NGRN: variants seen among roughly 807,000 people sequenced by gnomAD.
The protein encoded by NGRN is neugrin, neurite outgrowth associated.
NGRN carries 12 observed loss-of-function variants against 13.1 expected under a neutral mutation model. The observed-to-expected ratio is 0.92, with a 90% CI of 0.59 to 1.49. NGRN has a LOEUF of 1.49. Among genes scored for constraint, NGRN ranks in the 40% most tolerant of loss-of-function variants. The pLI is 0.00. For synonymous variants in NGRN, 149 were observed against 145.8 expected, an observed-to-expected ratio of 1.02 and a Z score of -0.16; for missense variants, 397 against 357.0, an observed-to-expected ratio of 1.11 and a Z score of -0.90.
rs961517572 is a variant in NGRN at position 90,269,484 on chromosome 15, G to C, written c.276-1704G>C. 5.3e-5 allele frequency among the ~76,000 whole-genome samples: 8 copies of C among 151,250 alleles called. No individual in the cohort carries two copies. The East Asian group carries it at 1.5e-3, about 29-fold the overall frequency. Reference sequence around the variant, plus strand: ...ATTCCCTTCTGATCTTTTTTTCTTTGTTTCTAGGGCTGCTTTTCTCAGTTT... The same window carrying C: ...ATTCCCTTCTGATCTTTTTTTCTTTCTTTCTAGGGCTGCTTTTCTCAGTTT... On this transcript the variant is annotated intron_variant, in intron 2 of 2. Transcript: ENST00000379095.
At chr15:90,265,962 CTGCCGCTGCT>C (rs1963410257) in intron 1 of NGRN, 86 bp downstream of exon 1, 1 of 1,427,840 alleles carries the variant, frequency 7.0e-7, no homozygotes, top group Non-Finnish European at 9.1e-7. Context: ...GCCGGGTGTC[CTGCCGCTGCT>C]TGCGCAGCGG....
At chr15:90,268,791 A>AAT (rs772717101) in intron 2 of NGRN, among the ~76,000 whole-genome samples, 15 of 150,620 alleles carry the variant, frequency 1.0e-4, no homozygotes, top group African/African-American at 1.9e-4. Context: ...TTTAAATTAA[A>AAT]ATATATATAT....
chr15:90,269,661 C>T (rs1963477892), intron 2 of NGRN, among the ~76,000 whole-genome samples: 1 of 152,150 alleles, frequency 6.6e-6, no homozygotes, highest in Admixed American at 6.6e-5. Context: ...CCAAATCTGT[C>T]ATCTCCAGTT....
chr15:90,267,857 T>C (rs767782018), intron 2 of NGRN, among the ~76,000 whole-genome samples: 4 of 152,328 alleles, frequency 2.6e-5, no homozygotes, highest in Non-Finnish European at 5.9e-5. Flanking sequence ...TAGCCCTACA[T>C]AGATTATGTA....
At position 90,271,255 on chromosome 15, in the gene NGRN, A is replaced by G. The variant is rs1963497724; in HGVS notation, c.343A>G (p.Thr115Ala). Residue 115 changes from threonine (T) to alanine (A), a missense_variant, in exon 3 of 3, where the codon ACT becomes GCT. Thr to Ala is a moderately conservative substitution (Grantham distance 58). Coordinates refer to ENST00000379095, the MANE Select transcript of NGRN (RefSeq NM_001033088.3). Reference protein sequence around the residue: ...PRLAEGFDVSTDVIRRVLKSK... With the variant: ...PRLAEGFDVSADVIRRVLKSK... ...GTTGGCTGAAGGCTTTGATGTCAGC[A>G]CTGATGTGATCCGAAGAGTTTTAAA... is the stretch of plus-strand genomic sequence containing the variant. 2.5e-6 allele frequency: 4 copies of G among 1,614,072 alleles called. No individual in the cohort carries two copies. The highest frequency in any genetic ancestry group is 3.4e-6 in the Non-Finnish European group (4 of 1,180,030).
rs1963499038 is a variant in NGRN at position 90,271,321 on chromosome 15, G to A, written c.409G>A (p.Asp137Asn). The A allele has an allele frequency of 6.2e-7, 1 of 1,614,060 alleles. No homozygotes were observed. The highest frequency in any genetic ancestry group is 1.3e-5 in the African/African-American group (1 of 75,014). The change falls in exon 3 of 3, where the codon GAT (aspartate) becomes AAT (asparagine). Residue 137 changes from aspartate (D) to asparagine (N), a missense_variant. Physicochemically the swap from Asp to Asn is conservative, Grantham distance 23. Transcript: ENST00000379095. ...LPTLEQKLKQDQKVLKKAGLA... is the reference protein window; with the variant it reads ...LPTLEQKLKQNQKVLKKAGLA... ...CACATTGGAGCAGAAGCTGAAGCAG[G>A]ATCAAAAAGTCCTTAAGAAAGCTGG... is the stretch of plus-strand genomic sequence containing the variant.
chr15:90,268,992 CTTTTTTTTTTT>C (rs71461858), intron 2 of NGRN, among the ~76,000 whole-genome samples: 11 of 45,688 alleles, frequency 2.4e-4, no homozygotes, highest in African/African-American at 8.6e-4. Flanking sequence ...CTGATTCTCT[CTTTTTTTTTTT>C]TTTTTTTTTT....
chr15:90,266,065 CGT>C, intron 1 of NGRN, 189 bp downstream of exon 1: 1 of 1,422,378 alleles, frequency 7.0e-7, no homozygotes, highest in Non-Finnish European at 9.1e-7. Context: ...TCATTAGTGA[CGT>C]ATTTCATCAT....
intron 2 of NGRN, among the ~76,000 whole-genome samples, chr15:90,268,606 C>T (rs1240591188): frequency 1.3e-5 from 2 of 152,058 alleles, no homozygotes. Flanking sequence ...CTCTCTCATT[C>T]TTTTGTTCCC....
At chr15:90,265,974 G>C (rs1410354096) in intron 1 of NGRN, 98 bp downstream of exon 1, 4 of 1,421,960 alleles carry the variant, frequency 2.8e-6, no homozygotes, top group Non-Finnish European at 3.7e-6. Context: ...GCCGCTGCTT[G>C]CGCAGCGGCC....
At position 90,266,290 on chromosome 15, in the gene NGRN, C is replaced by T; in HGVS notation, c.167C>T (p.Thr56Ile). Reference protein sequence around the residue: ...EERELQEVESTLKRQKQAIRF... With the variant: ...EERELQEVESILKRQKQAIRF... ...TGCCATTGGTTCTCTTCCCCCAGCA[C>T]CCTGAAACGACAGAAACAAGCAATC... Residue 56 changes from threonine to isoleucine, a missense_variant and splice_region_variant, in exon 2 of 3, where the codon ACC becomes ATC. Coordinates refer to ENST00000379095, the MANE Select transcript of NGRN (RefSeq NM_001033088.3). 1.2e-6 allele frequency: 2 copies of T among 1,613,026 alleles called. No individual in the cohort carries two copies. Among genetic ancestry groups the T allele is most frequent in the Non-Finnish European group, 1.7e-6 (2 of 1,179,574 alleles).
intron 2 of NGRN, among the ~76,000 whole-genome samples, chr15:90,268,525 C>T (rs1288339700): frequency 6.6e-6 from 1 of 152,088 alleles, no homozygotes; most frequent in Admixed American, 6.6e-5. Flanking sequence ...GGGACCAATT[C>T]TCTGTATGCT....
At position 90,272,048 on chromosome 15, in the gene NGRN, T is replaced by C. The variant is rs977845869; in HGVS notation, c.*260T>C. 2 of 446,516 alleles carry C rather than the reference T, an allele frequency of 4.5e-6. No homozygotes were observed. The highest frequency in any genetic ancestry group is 1.9e-5 in the African/African-American group (1 of 51,892). 27.7% of individuals were successfully genotyped at this position (446,516 alleles called of 1,614,324 possible). A position where few individuals can be genotyped will look rare whatever the true frequency, so the allele number is the denominator to read the frequency against. On this transcript the variant is annotated 3_prime_UTR_variant, in exon 3 of 3. Coordinates refer to ENST00000379095, the MANE Select transcript of NGRN (RefSeq NM_001033088.3). ...GTGTTGAAAGCCATCCCGTGTTGCATGTGTTGTTACAATTTTCTGTGATAC... is the reference window on the plus strand; with the variant it reads ...GTGTTGAAAGCCATCCCGTGTTGCACGTGTTGTTACAATTTTCTGTGATAC...
chr15:90,271,882 C>T lies in NGRN; in HGVS notation c.*94C>T, dbSNP rs1596202957. 1 of 1,508,630 alleles carries T rather than the reference C, an allele frequency of 6.6e-7. No individual in the cohort carries two copies. Among genetic ancestry groups the T allele is most frequent in the East Asian group, 2.3e-5 (1 of 44,188 alleles). 93.5% of individuals were successfully genotyped at this position (1,508,630 alleles called of 1,614,324 possible). Reference sequence around the variant, plus strand: ...CCTGGATTTCTGCATATGGATAAGCCACCTTGGAATAGGAAGAGGTGTTGA... The same window carrying T: ...CCTGGATTTCTGCATATGGATAAGCTACCTTGGAATAGGAAGAGGTGTTGA... On this transcript the variant is annotated 3_prime_UTR_variant, in exon 3 of 3. Transcript: ENST00000379095.
chr15:90,271,946 C>G lies in NGRN; in HGVS notation c.*158C>G, dbSNP rs1190897727. 4.1e-6 allele frequency: 4 copies of G among 964,748 alleles called. No individual in the cohort carries two copies. Among genetic ancestry groups the G allele is most frequent in the East Asian group, 5.1e-5 (2 of 39,012 alleles). The allele number at this position is 964,748 out of a possible 1,614,324, so 59.8% of individuals were successfully genotyped here. ...GAGGAAAGAGCTGCGTGGATAGATTCAAACTTCCTGTGGTAGTGCTCCCAG... is the reference window on the plus strand; with the variant it reads ...GAGGAAAGAGCTGCGTGGATAGATTGAAACTTCCTGTGGTAGTGCTCCCAG... On this transcript the variant is annotated 3_prime_UTR_variant, in exon 3 of 3. Coordinates refer to ENST00000379095, the MANE Select transcript of NGRN (RefSeq NM_001033088.3).
intron 1 of NGRN, 99 bp downstream of exon 1, chr15:90,265,975 C>T (rs62022288): frequency 3.6e-6 from 5 of 1,404,506 alleles, no homozygotes; most frequent in African/African-American, 1.5e-5. Flanking sequence ...CCGCTGCTTG[C>T]GCAGCGGCCC....
chr15:90,265,734 T>C lies in NGRN; in HGVS notation c.22T>C (p.Leu8=). The change falls in exon 1 of 3, where the codon TTG becomes CTG. Residue 8 remains leucine (L), a synonymous_variant. Coordinates refer to ENST00000379095, the MANE Select transcript of NGRN (RefSeq NM_001033088.3). ...CGACATGGCGGTTACCCTGAGTCTC[T>C]TGCTGGGCGGGCGCGTTTGCGCCGC... MAVTLSL[L]LGGRVCAAVT... is the part of the protein sequence containing the mutation. 1 of 1,613,374 alleles carries C rather than the reference T, an allele frequency of 6.2e-7. No homozygotes were observed. Among genetic ancestry groups the C allele is most frequent in the Non-Finnish European group, 8.5e-7 (1 of 1,179,836 alleles).
At chr15:90,266,639 C>G (rs1963428079) in intron 2 of NGRN, among the ~76,000 whole-genome samples, 1 of 152,168 alleles carries the variant, frequency 6.6e-6, no homozygotes, top group Admixed American at 6.5e-5. Context: ...GCCTCGAACT[C>G]CAGACCTCAA....
At chr15:90,269,684 C>A (rs765980112) in intron 2 of NGRN, among the ~76,000 whole-genome samples, 1 of 152,010 alleles carries the variant, frequency 6.6e-6, no homozygotes, top group Non-Finnish European at 1.5e-5. Context: ...TGTTTTTTTT[C>A]CTGAAATCTA....
Sources: gnomAD v4.1 joint callset for allele counts (sites outside exome capture counted in the v4.1 genomes callset) on GRCh38, gnomAD v4.1.1 for gene constraint, MANE v1.5 for transcripts, NCBI Gene and HGNC (gene_info 2026-07-23, HGNC 2026-07-21) for gene names.